SLIT3: variants seen among roughly 807,000 people sequenced by gnomAD.
SLIT3 encodes the protein slit homolog 3 protein.
SLIT3 carries 68 observed loss-of-function variants against 184.0 expected under a neutral mutation model. That is an observed-to-expected ratio of 0.37 (90% CI 0.30 to 0.45). The LOEUF (loss-of-function observed/expected upper bound fraction) is 0.45. Among genes scored for constraint, SLIT3 ranks in the 20% least tolerant of loss-of-function variants. The probability of loss-of-function intolerance (pLI) is 1.00; values close to 1 mark genes in which losing one functional copy is unlikely to be tolerated. For missense variants in SLIT3, 1,707 were observed against 2,026.0 expected (o/e 0.84, Z 3.02); for synonymous variants, 831 against 828.6 (o/e 1.00, Z -0.05).
intron 4 of SLIT3, among the ~76,000 whole-genome samples, chr5:168,930,871 A>G (rs1761967427): frequency 6.6e-6 from 1 of 151,896 alleles, no homozygotes; most frequent in South Asian, 2.1e-4. Flanking sequence ...ACATGCCATG[A>G]GTGATGTGCC....
At chr5:168,797,141 G>A (rs1301782755) in intron 9 of SLIT3, among the ~76,000 whole-genome samples, 2 of 152,048 alleles carry the variant, frequency 1.3e-5, no homozygotes, top group East Asian at 3.9e-4. Context: ...CTTACCATAG[G>A]GTCTCAGAGA....
At chr5:169,221,791 T>C (rs1561748439) in intron 3 of SLIT3, among the ~76,000 whole-genome samples, 2 of 152,236 alleles carry the variant, frequency 1.3e-5, no homozygotes, top group East Asian at 3.8e-4. Flanking sequence ...CAGAGTGGGA[T>C]GTGCACACTT....
intron 2 of SLIT3, among the ~76,000 whole-genome samples, chr5:169,250,942 G>A (rs1765753959): frequency 2.0e-5 from 3 of 152,166 alleles, no homozygotes; most frequent in Admixed American, 2.0e-4. Flanking sequence ...AGCTGTGGGT[G>A]TTCAGCAAGG....
chr5:169,165,098 G>A (rs1452327079), intron 4 of SLIT3, among the ~76,000 whole-genome samples: 1 of 152,258 alleles, frequency 6.6e-6, no homozygotes, highest in East Asian at 1.9e-4. Flanking sequence ...GCACATAGTA[G>A]GTGCTCAGGA....
chr5:169,271,334 T>A (rs1766603006), intron 1 of SLIT3, among the ~76,000 whole-genome samples: 1 of 152,180 alleles, frequency 6.6e-6, no homozygotes, highest in South Asian at 2.1e-4. Context: ...CACGGCCCCT[T>A]CTCAGTCATC....
At chr5:168,729,683 CA>C (rs1289943914) in intron 20 of SLIT3, among the ~76,000 whole-genome samples, 2 of 151,582 alleles carry the variant, frequency 1.3e-5, no homozygotes, top group East Asian at 3.9e-4. Context: ...TTCACTATCA[CA>C]AAAAATCATG....
chr5:169,276,021 G>A (rs1230641878), intron 1 of SLIT3, among the ~76,000 whole-genome samples: 1 of 152,084 alleles, frequency 6.6e-6, no homozygotes, highest in Non-Finnish European at 1.5e-5. Flanking sequence ...GGGCTGTGGG[G>A]TAGGATGGGT....
intron 3 of SLIT3, among the ~76,000 whole-genome samples, chr5:169,194,085 A>C (rs1763660055): frequency 6.6e-6 from 1 of 152,020 alleles, no homozygotes; most frequent in Non-Finnish European, 1.5e-5. Context: ...ATACAAAAAA[A>C]TTAGCTGGGC....
chr5:168,838,128 T>C (rs1435731529), intron 6 of SLIT3, among the ~76,000 whole-genome samples: 1 of 152,270 alleles, frequency 6.6e-6, no homozygotes, highest in Non-Finnish European at 1.5e-5. Flanking sequence ...TAATTGTTTC[T>C]ATGTATGTGT....
intron 4 of SLIT3, among the ~76,000 whole-genome samples, chr5:169,133,967 T>C (rs1003160499): frequency 6.6e-6 from 1 of 152,190 alleles, no homozygotes; most frequent in Non-Finnish European, 1.5e-5. Context: ...TTAAAACAAA[T>C]TGAGTTACTT....
intron 4 of SLIT3, among the ~76,000 whole-genome samples, chr5:169,113,292 G>A (rs1158739759): frequency 3.3e-5 from 5 of 151,966 alleles, no homozygotes; most frequent in African/African-American, 1.2e-4. Flanking sequence ...TTCTACTCTA[G>A]GTACCTCACA....
Position 168,753,961 on chromosome 5 carries a change from C to T in SLIT3, c.1732G>A (p.Asp578Asn), listed in dbSNP as rs751501759. ...KIKEVREGAFDGAASVQELML... is the reference protein window; with the variant it reads ...KIKEVREGAFNGAASVQELML... ...AGCTCCTGCACGCTGGCTGCTCCAT[C>T]GAAAGCTCCCTCTCGCACCTCCTTG... is the stretch of plus-strand genomic sequence containing the variant. Residue 578 changes from aspartate (D) to asparagine (N), a missense_variant, in exon 17 of 36, where the codon GAT (aspartate) becomes AAT (asparagine). Physicochemically the swap from Asp to Asn is conservative, Grantham distance 23. Around this residue, in one of 3 missense-constraint regions of SLIT3, gnomAD observed 1,307 missense variants for 1,511.6 expected, o/e 0.86. Coordinates refer to ENST00000519560, the MANE Select transcript of SLIT3 (RefSeq NM_003062.4). The T allele has an allele frequency of 2.0e-5, 33 of 1,610,002 alleles. No homozygotes were observed. Among genetic ancestry groups the T allele is most frequent in the Admixed American group, 5.0e-5 (3 of 59,876 alleles).
At chr5:168,738,427 C>T (rs1763505257) in intron 20 of SLIT3, among the ~76,000 whole-genome samples, 2 of 152,152 alleles carry the variant, frequency 1.3e-5, no homozygotes, top group African/African-American at 4.8e-5. Flanking sequence ...CTTTAATGTC[C>T]CGTATGACAA....
intron 9 of SLIT3, among the ~76,000 whole-genome samples, chr5:168,800,811 C>A (rs910958089): frequency 7.9e-5 from 12 of 152,174 alleles, no homozygotes; most frequent in Non-Finnish European, 1.3e-4. Context: ...TCAGATGCCA[C>A]AGAGGAAATT....
intron 4 of SLIT3, among the ~76,000 whole-genome samples, chr5:168,971,773 T>C (rs1260790241): frequency 2.6e-5 from 4 of 152,258 alleles, no homozygotes; most frequent in African/African-American, 9.6e-5. Context: ...TTTGATTCTC[T>C]TTCTTCTGAG....
At position 168,712,293 on chromosome 5, in the gene SLIT3, G is replaced by C; in HGVS notation, c.2545C>G (p.Leu849Val). The C allele has an allele frequency of 6.2e-7, 1 of 1,613,842 alleles. No homozygotes were observed. Among genetic ancestry groups the C allele is most frequent in the Non-Finnish European group, 8.5e-7 (1 of 1,179,686 alleles). The change falls in exon 24 of 36, where the codon CTT (leucine) becomes GTT (valine). Residue 849 changes from leucine to valine, a missense_variant. Leu to Val is a conservative substitution (Grantham distance 32). Coordinates refer to ENST00000519560, the MANE Select transcript of SLIT3 (RefSeq NM_003062.4). ...PEGSFNDLTS[L>V]SHLALGTNPL... ...AACACTGCTACTTACAGATGGGAAA[G>C]AGATGTGAGGTCGTTGAAGGAGCCT...
intron 6 of SLIT3, among the ~76,000 whole-genome samples, chr5:168,826,670 C>T (rs1757715973): frequency 6.6e-6 from 1 of 152,106 alleles, no homozygotes; most frequent in South Asian, 2.1e-4. Flanking sequence ...GCTTTAGTGG[C>T]AATTAGATGA....
At chr5:168,869,013 C>A (rs185704211) in intron 5 of SLIT3, among the ~76,000 whole-genome samples, 13 of 152,244 alleles carry the variant, frequency 8.5e-5, no homozygotes, top group Non-Finnish European at 1.8e-4. Flanking sequence ...AGGCCCCCTG[C>A]AGATAGGAGG....
chr5:168,866,113 T>C (rs1759290980), intron 5 of SLIT3, among the ~76,000 whole-genome samples: 1 of 152,222 alleles, frequency 6.6e-6, no homozygotes, highest in African/African-American at 2.4e-5. Flanking sequence ...TGGATTAAAC[T>C]GGCCCGGGAC....
Sources: gnomAD v4.1 joint callset for allele counts (sites outside exome capture counted in the v4.1 genomes callset) on GRCh38, gnomAD v4.1.1 for gene constraint, gnomAD v4.1.1 regional missense constraint, MANE v1.5 for transcripts, NCBI Gene and HGNC (gene_info 2026-07-23, HGNC 2026-07-21) for gene names.